Variants in ATG10 observed in about 807,000 individuals in gnomAD.
ATG10 encodes the protein ubiquitin-like-conjugating enzyme ATG10.
ATG10 carries 30 observed loss-of-function variants against 32.1 expected under a neutral mutation model. The ratio of observed to expected loss-of-function variants is 0.94; its 90% CI spans 0.70 to 1.27. ATG10 has a LOEUF of 1.27. Among genes scored for constraint, ATG10 ranks in the 50% most tolerant of loss-of-function variants. The pLI is 0.00. For missense variants in ATG10, 233 were observed against 262.3 expected, an observed-to-expected ratio of 0.89 and a Z score of 0.77; for synonymous variants, 87 against 91.5, an observed-to-expected ratio of 0.95 and a Z score of 0.28.
At chr5:82,233,057 T>A (rs2150008697) in intron 5 of ATG10, among the ~76,000 whole-genome samples, 1 of 152,356 alleles carries the variant, frequency 6.6e-6, no homozygotes, top group South Asian at 2.1e-4. Context: ...ACTTTGAAAG[T>A]ATTAAAAATA....
rs376094213 is a variant in ATG10, at chr5:81,972,318, C to G, written c.-13+12C>G. On this transcript the variant is annotated intron_variant, in intron 1 of 7. Coordinates refer to ENST00000282185, the MANE Select transcript of ATG10 (RefSeq NM_031482.5). ...CCGAGCGGAGAGGGGTGAGTATTCC[C>G]CACAGCCCTTGCCGGTTGTCTCCTC... 6.6e-6 allele frequency: 1 copy of G among 152,308 alleles called. No homozygotes were observed. The highest frequency in any genetic ancestry group is 1.9e-4 in the East Asian group (1 of 5,196). The allele number at this position is 152,308 out of a possible 1,614,324, so 9.4% of individuals were successfully genotyped here.
chr5:82,175,433 A>G (rs962145611), intron 4 of ATG10, among the ~76,000 whole-genome samples: 1 of 152,172 alleles, frequency 6.6e-6, no homozygotes, highest in Non-Finnish European at 1.5e-5. Context: ...GGCGTGAGCC[A>G]CTGTGCCCAG....
intron 3 of ATG10, among the ~76,000 whole-genome samples, chr5:82,154,640 C>T (rs533876968): frequency 3.4e-4 from 51 of 152,036 alleles, no homozygotes; most frequent in Non-Finnish European, 5.9e-4. Flanking sequence ...TGTTTTTATC[C>T]GAGATTTTGA....
chr5:82,129,367 T>C (rs1005952194), intron 3 of ATG10, among the ~76,000 whole-genome samples: 4 of 152,038 alleles, frequency 2.6e-5, no homozygotes, highest in Non-Finnish European at 5.9e-5. Flanking sequence ...TCATTCCATG[T>C]CCAGTTATGT....
At chr5:82,203,073 CA>C (rs1745132375) in intron 5 of ATG10, among the ~76,000 whole-genome samples, 1 of 151,974 alleles carries the variant, frequency 6.6e-6, no homozygotes, top group Admixed American at 6.6e-5. Context: ...ACTAAAAATA[CA>C]AAAATTAGCC....
intron 5 of ATG10, among the ~76,000 whole-genome samples, chr5:82,222,409 T>C (rs575107371): frequency 1.3e-5 from 2 of 152,308 alleles, no homozygotes; most frequent in Admixed American, 1.3e-4. Context: ...CTGGATTAAA[T>C]ACAATAGTAA....
At chr5:82,017,938 C>G (rs1581603264) in intron 2 of ATG10, among the ~76,000 whole-genome samples, 1 of 152,062 alleles carries the variant, frequency 6.6e-6, no homozygotes, top group East Asian at 1.9e-4. Context: ...AATATTAGTG[C>G]CCATGAGCAG....
At chr5:82,190,625 G>T (rs1744618463) in intron 5 of ATG10, among the ~76,000 whole-genome samples, 1 of 151,646 alleles carries the variant, frequency 6.6e-6, no homozygotes, top group Admixed American at 6.6e-5. Context: ...ACAAAAATTA[G>T]CTGGGTGTGG....
intron 5 of ATG10, among the ~76,000 whole-genome samples, chr5:82,222,809 G>A (rs2149995077): frequency 6.6e-6 from 1 of 152,300 alleles, no homozygotes; most frequent in Non-Finnish European, 1.5e-5. Context: ...AGGCATGAAT[G>A]GAACTGTACA....
intron 3 of ATG10, among the ~76,000 whole-genome samples, chr5:82,150,917 T>G (rs933712142): frequency 2.0e-5 from 3 of 152,232 alleles, no homozygotes; most frequent in African/African-American, 7.2e-5. Flanking sequence ...GGTAAGTTCA[T>G]CAGGTGGCCT....
chr5:81,995,058 T>C (rs1761619130), intron 2 of ATG10, among the ~76,000 whole-genome samples: 1 of 152,200 alleles, frequency 6.6e-6, no homozygotes, highest in Non-Finnish European at 1.5e-5. Context: ...CATTGTATAA[T>C]CTCGAATTTC....
intron 3 of ATG10, among the ~76,000 whole-genome samples, chr5:82,068,363 A>C (rs189648975): frequency 6.6e-6 from 1 of 152,224 alleles, no homozygotes; most frequent in Non-Finnish European, 1.5e-5. Context: ...ATACATGGAC[A>C]CAGGGAGGGG....
chr5:82,141,435 G>A (rs1289618989), intron 3 of ATG10, among the ~76,000 whole-genome samples: 1 of 152,018 alleles, frequency 6.6e-6, no homozygotes, highest in Non-Finnish European at 1.5e-5. Flanking sequence ...TAAAATATCT[G>A]TGGAATGTGC....
At chr5:82,103,671 G>A (rs1293004078) in intron 3 of ATG10, among the ~76,000 whole-genome samples, 1 of 151,798 alleles carries the variant, frequency 6.6e-6, no homozygotes, top group Non-Finnish European at 1.5e-5. Context: ...GCCTTGGGTG[G>A]GTTTCCTTTA....
intron 5 of ATG10, among the ~76,000 whole-genome samples, chr5:82,236,942 T>C (rs1039914577): frequency 3.9e-5 from 6 of 152,204 alleles, no homozygotes; most frequent in African/African-American, 1.4e-4. Flanking sequence ...TTTCTATGTA[T>C]ATTCTCATAT....
intron 3 of ATG10, among the ~76,000 whole-genome samples, chr5:82,110,515 C>T (rs1016021985): frequency 6.6e-5 from 10 of 152,232 alleles, no homozygotes; most frequent in African/African-American, 2.2e-4. Flanking sequence ...GATGGTATCT[C>T]ATTGTGGTTT....
intron 3 of ATG10, among the ~76,000 whole-genome samples, chr5:82,064,765 T>C (rs1763886904): frequency 6.6e-6 from 1 of 152,070 alleles, no homozygotes; most frequent in African/African-American, 2.4e-5. Flanking sequence ...TGAAGGTGGA[T>C]AAAAACAGTT....
chr5:82,030,989 T>TAATA (rs1220174951), intron 2 of ATG10, among the ~76,000 whole-genome samples: 1 of 152,220 alleles, frequency 6.6e-6, no homozygotes, highest in East Asian at 1.9e-4. Flanking sequence ...CAATCATTAT[T>TAATA]ATTATTATTA....
intron 2 of ATG10, among the ~76,000 whole-genome samples, chr5:82,009,302 GT>G (rs1226569565): frequency 6.6e-6 from 1 of 151,676 alleles, no homozygotes; most frequent in Non-Finnish European, 1.5e-5. Context: ...TTTTTTTCTC[GT>G]TAAGGTAATT....
Sources: gnomAD v4.1 joint callset for allele counts (sites outside exome capture counted in the v4.1 genomes callset) on GRCh38, gnomAD v4.1.1 for gene constraint, MANE v1.5 for transcripts, NCBI Gene and HGNC (gene_info 2026-07-23, HGNC 2026-07-21) for gene names.